Variants in GRB2 observed in about 807,000 individuals in gnomAD.
GRB2 encodes growth factor receptor-bound protein 2.
In GRB2, 2 loss-of-function variants were observed where a neutral mutation model predicts 27.4. The ratio of observed to expected loss-of-function variants is 0.07; its 90% CI spans 0.03 to 0.23. GRB2 has a LOEUF of 0.23. Ranked by LOEUF, GRB2 falls within the 10% of genes least tolerant of loss-of-function variation. The pLI, the probability that GRB2 is intolerant of heterozygous loss-of-function variation, is 1.00. For missense variants in GRB2, 102 were observed against 282.4 expected (o/e 0.36, Z 4.58); for synonymous variants, 94 against 99.6 (o/e 0.94, Z 0.33).
At chr17:75,333,623 G>A (rs767392608) in intron 2 of GRB2, among the ~76,000 whole-genome samples, 4 of 152,068 alleles carry the variant, frequency 2.6e-5, no homozygotes, top group Non-Finnish European at 4.4e-5. Flanking sequence ...CTGGGTTACC[G>A]CAAGTACGGG....
chr17:75,321,169 C>CTTTTTTTTT (rs61287852), intron 5 of GRB2, among the ~76,000 whole-genome samples: 1 of 120,064 alleles, frequency 8.3e-6, no homozygotes, highest in Non-Finnish European at 1.7e-5. Context: ...AACAACAAAT[C>CTTTTTTTTT]TTTTTTTTTT....
chr17:75,358,770 G>T (rs1215100878), intron 2 of GRB2, among the ~76,000 whole-genome samples: 1 of 141,388 alleles, frequency 7.1e-6, no homozygotes, highest in Admixed American at 7.3e-5. Flanking sequence ...GTAAATCCCA[G>T]CTACTCAGGA....
intron 4 of GRB2, among the ~76,000 whole-genome samples, chr17:75,323,109 A>T (rs1206978952): frequency 7.3e-6 from 1 of 136,896 alleles, no homozygotes; most frequent in Non-Finnish European, 1.5e-5. Context: ...ACAGAGTGAC[A>T]CTCCATCTCA....
chr17:75,393,394 T>C, intron 2 of GRB2, 157 bp downstream of exon 2: 1 of 674,682 alleles, frequency 1.5e-6, no homozygotes, highest in Non-Finnish European at 2.7e-6. Flanking sequence ...ATATTTAATA[T>C]TCTACTCAGC....
In GRB2 at chr17:75,352,613, A is replaced by G. The variant is rs56081159; in HGVS notation, c.79-19816T>C. On this transcript the variant is annotated intron_variant, in intron 2 of 5. Transcript: ENST00000316804. ...TGCTCACAATGACAAGTAGTTTCCCAAAGGAGAAAAGCGATCAGACATATT... is the reference window on the plus strand; with the variant it reads ...TGCTCACAATGACAAGTAGTTTCCCGAAGGAGAAAAGCGATCAGACATATT... 2.2e-3 allele frequency among the ~76,000 whole-genome samples: 333 copies of G among 152,302 alleles called. 1 individual carries two copies. The highest frequency in any genetic ancestry group is 4.0e-3 in the Non-Finnish European group (271 of 68,022).
chr17:75,323,122 A>T (rs961916964), intron 4 of GRB2, among the ~76,000 whole-genome samples: 5 of 102,366 alleles, frequency 4.9e-5, no homozygotes, highest in Admixed American at 2.0e-4. Flanking sequence ...CCATCTCATT[A>T]AAAAAAAAAA....
Position 75,321,836 on chromosome 17 carries a change from G to T in GRB2, c.300-9C>A, listed in dbSNP as rs754304737. The T allele has an allele frequency of 7.4e-6, 12 of 1,612,770 alleles. No individual in the cohort carries two copies. The highest frequency in any genetic ancestry group is 2.7e-5 in the African/African-American group (2 of 74,886). On this transcript the variant is annotated splice_polypyrimidine_tract_variant and intron_variant, in intron 4 of 5. Transcript: ENST00000316804. ...GCACATCGTTTCCAAACCTGGGAGGGACAGAAAGCACATGTGACCGGCTAA... is the reference window on the plus strand; with the variant it reads ...GCACATCGTTTCCAAACCTGGGAGGTACAGAAAGCACATGTGACCGGCTAA...
chr17:75,371,880 C>G (rs2078858849), intron 2 of GRB2: 1 of 152,234 alleles, frequency 6.6e-6, no homozygotes, highest in East Asian at 1.9e-4. Context: ...CAATGGAACA[C>G]TGTAGAGCTT....
In GRB2 at chr17:75,388,638, G is replaced by C. The variant is rs143587622; in HGVS notation, c.78+4913C>G. On this transcript the variant is annotated intron_variant, in intron 2 of 5. Transcript: ENST00000316804. Reference sequence around the variant, plus strand: ...TTTTTTAATTTGGAGATGGGGTCTCGCTTTGTTGCCCAGGTTGGGCTCCAA... The same window carrying C: ...TTTTTTAATTTGGAGATGGGGTCTCCCTTTGTTGCCCAGGTTGGGCTCCAA... 4.1e-3 allele frequency among the ~76,000 whole-genome samples: 620 copies of C among 150,174 alleles called. 4 individuals are homozygous for C. Among genetic ancestry groups the C allele is most frequent in the African/African-American group, 0.014 (579 of 40,774 alleles).
intron 2 of GRB2, among the ~76,000 whole-genome samples, chr17:75,365,744 T>G (rs1019331345): frequency 5.9e-5 from 9 of 151,756 alleles, no homozygotes; most frequent in African/African-American, 2.2e-4. Context: ...AAAGATAAAA[T>G]AGAAGTGGTT....
At chr17:75,327,834 T>C (rs2145822289) in intron 3 of GRB2, among the ~76,000 whole-genome samples, 1 of 152,264 alleles carries the variant, frequency 6.6e-6, no homozygotes, top group Non-Finnish European at 1.5e-5. Flanking sequence ...TAGGGACTCT[T>C]AGTAACTCTG....
intron 2 of GRB2, among the ~76,000 whole-genome samples, chr17:75,349,466 G>C (rs115493662): frequency 4.5e-3 from 678 of 150,132 alleles, no homozygotes; most frequent in African/African-American, 0.016. Context: ...AGAATAACTA[G>C]ATCAAGGGGC....
chr17:75,349,148 G>C (rs936385415), intron 2 of GRB2, among the ~76,000 whole-genome samples: 2 of 152,166 alleles, frequency 1.3e-5, no homozygotes, highest in African/African-American at 4.8e-5. Context: ...TTTCCCTCTT[G>C]TATTTTCATT....
intron 2 of GRB2, among the ~76,000 whole-genome samples, chr17:75,334,327 C>T (rs959684216): frequency 7.9e-5 from 12 of 151,948 alleles, no homozygotes; most frequent in Non-Finnish European, 1.3e-4. Flanking sequence ...CCTGCCACCA[C>T]GCCCGGCTAA....
At chr17:75,334,304 G>A (rs1365221281) in intron 2 of GRB2, among the ~76,000 whole-genome samples, 1 of 152,062 alleles carries the variant, frequency 6.6e-6, no homozygotes, top group Non-Finnish European at 1.5e-5. Context: ...CCGAGTGGCT[G>A]GGACTACAGG....
chr17:75,389,074 G>C (rs991460211), intron 2 of GRB2, among the ~76,000 whole-genome samples: 2 of 151,980 alleles, frequency 1.3e-5, no homozygotes, highest in African/African-American at 2.4e-5. Flanking sequence ...TTGCCCCCTT[G>C]CAATTCTTTA....
chr17:75,376,332 G>GCC, intron 2 of GRB2, among the ~76,000 whole-genome samples: 2 of 113,222 alleles, frequency 1.8e-5, no homozygotes, highest in Non-Finnish European at 3.5e-5. Flanking sequence ...GTGACAGACA[G>GCC]AGACTCTGTC....
At chr17:75,390,661 A>C (rs1329319441) in intron 2 of GRB2, among the ~76,000 whole-genome samples, 35 of 152,214 alleles carry the variant, frequency 2.3e-4, no homozygotes, top group Admixed American at 2.2e-3. Flanking sequence ...TTCTCTGGAC[A>C]GTAACAGGTC....
At chr17:75,389,336 CACCTG>C (rs1327297638) in intron 2 of GRB2, among the ~76,000 whole-genome samples, 1 of 152,172 alleles carries the variant, frequency 6.6e-6, no homozygotes, top group Non-Finnish European at 1.5e-5. Context: ...ACTCTGCACA[CACCTG>C]ACTGATGTCA....
Sources: gnomAD v4.1 joint callset for allele counts (sites outside exome capture counted in the v4.1 genomes callset) on GRCh38, gnomAD v4.1.1 for gene constraint, MANE v1.5 for transcripts, NCBI Gene and HGNC (gene_info 2026-07-23, HGNC 2026-07-21) for gene names.